CRACD: variants seen among roughly 807,000 people sequenced by gnomAD.
CRACD encodes the protein capping protein inhibiting regulator of actin dynamics, also known as capping protein-inhibiting regulator of actin dynamics.
CRACD carries 56 observed loss-of-function variants against 106.8 expected under a neutral mutation model. That is an observed-to-expected ratio of 0.52 (90% CI 0.42 to 0.66). The LOEUF is 0.66. Among genes scored for constraint, CRACD ranks in the 30% least tolerant of loss-of-function variants. The pLI is 0.00. For synonymous variants in CRACD, 754 were observed against 670.8 expected (o/e 1.12, Z -1.92); for missense variants, 1,730 against 1,623.2 (o/e 1.07, Z -1.13).
chr4:56,126,771 A>T (rs1215103684), intron 1 of CRACD, among the ~76,000 whole-genome samples: 4 of 152,202 alleles, frequency 2.6e-5, no homozygotes, highest in African/African-American at 9.6e-5. Flanking sequence ...TGAAATCAAA[A>T]TATTATGATC....
At chr4:56,310,803 T>G (rs1247340051) in intron 6 of CRACD, 69 bp downstream of exon 6, 4 of 903,228 alleles carry the variant, frequency 4.4e-6, no homozygotes, top group Non-Finnish European at 5.1e-6. Flanking sequence ...CCCCCCTTTT[T>G]TTTTTTTGCG....
chr4:56,202,665 A>T (rs1737940831), intron 2 of CRACD, among the ~76,000 whole-genome samples: 1 of 152,226 alleles, frequency 6.6e-6, no homozygotes, highest in African/African-American at 2.4e-5. Flanking sequence ...GTTTTAAAAA[A>T]TTCTAATTAG....
At chr4:56,129,013 C>T (rs1734743197) in intron 1 of CRACD, among the ~76,000 whole-genome samples, 1 of 151,060 alleles carries the variant, frequency 6.6e-6, no homozygotes, top group African/African-American at 2.4e-5. Flanking sequence ...ACTAATCGTA[C>T]TGTGAAAATG....
intron 3 of CRACD, among the ~76,000 whole-genome samples, chr4:56,275,763 C>A (rs1026476558): frequency 6.6e-6 from 1 of 152,164 alleles, no homozygotes; most frequent in Non-Finnish European, 1.5e-5. Flanking sequence ...CACAAAAGCA[C>A]AAAACTCAAA....
chr4:56,258,600 T>C (rs797007771), intron 2 of CRACD, among the ~76,000 whole-genome samples: 3 of 152,316 alleles, frequency 2.0e-5, no homozygotes, highest in African/African-American at 7.2e-5. Context: ...TGCACAATAA[T>C]GCAGGCACCA....
At chr4:56,157,695 T>G (rs747126730) in intron 1 of CRACD, among the ~76,000 whole-genome samples, 4 of 152,192 alleles carry the variant, frequency 2.6e-5, no homozygotes, top group Non-Finnish European at 5.9e-5. Context: ...GTTACTGCAT[T>G]TATTACAGAA....
chr4:56,241,951 T>G (rs1277697407), intron 2 of CRACD, among the ~76,000 whole-genome samples: 1 of 152,178 alleles, frequency 6.6e-6, no homozygotes, highest in Non-Finnish European at 1.5e-5. Flanking sequence ...TAAGTTTTGT[T>G]CCCTAAAAAT....
chr4:56,173,282 A>G (rs140862994), intron 1 of CRACD, among the ~76,000 whole-genome samples: 1,963 of 152,336 alleles, frequency 0.013, 19 homozygotes, highest in Middle Eastern at 0.024. Flanking sequence ...GCATTGCCTC[A>G]TTCTTGCTGA....
intron 1 of CRACD, among the ~76,000 whole-genome samples, chr4:56,067,082 C>G (rs1164664353): frequency 6.6e-6 from 1 of 151,892 alleles, no homozygotes; most frequent in Non-Finnish European, 1.5e-5. Flanking sequence ...TTGCCTAGGT[C>G]CCAAGATTAT....
chr4:56,148,055 G>T (rs1480974998), intron 1 of CRACD, among the ~76,000 whole-genome samples: 1 of 152,150 alleles, frequency 6.6e-6, no homozygotes, highest in Non-Finnish European at 1.5e-5. Flanking sequence ...CAAGAAGGTG[G>T]CTGTCTGCAA....
chr4:56,148,947 C>G (rs868386581), intron 1 of CRACD, among the ~76,000 whole-genome samples: 7 of 151,940 alleles, frequency 4.6e-5, no homozygotes, highest in African/African-American at 1.5e-4. Flanking sequence ...TCCCAAGTAG[C>G]TGGGATTACA....
At chr4:56,311,808 T>C (rs1745176204) in intron 6 of CRACD, among the ~76,000 whole-genome samples, 1 of 152,190 alleles carries the variant, frequency 6.6e-6, no homozygotes, top group Non-Finnish European at 1.5e-5. Flanking sequence ...GCTGCTGGCA[T>C]AGTGCCGCAC....
intron 2 of CRACD, among the ~76,000 whole-genome samples, chr4:56,238,246 CAT>C (rs1174992278): frequency 6.6e-6 from 1 of 152,232 alleles, no homozygotes; most frequent in Non-Finnish European, 1.5e-5. Flanking sequence ...CTTTCACTCA[CAT>C]GTGTGTTGCC....
chr4:56,313,490 C>T (rs1745292650), intron 7 of CRACD, 111 bp downstream of exon 7: 10 of 860,282 alleles, frequency 1.2e-5, no homozygotes, highest in Non-Finnish European at 1.8e-5. Flanking sequence ...GAGAGTCTCC[C>T]CATCGGGAAC....
rs965645545 is a variant in CRACD at position 56,323,436 on chromosome 4, G to A, written c.3247G>A (p.Glu1083Lys). Reference protein sequence around the residue: ...LDGSKLTEKVETAQPLWITLA... With the variant: ...LDGSKLTEKVKTAQPLWITLA... ...TGGCTCCAAACTTACAGAGAAAGTG[G>A]AAACTGCTCAGCCGCTGTGGATAAC... is the stretch of plus-strand genomic sequence containing the variant. Residue 1083 changes from glutamate (E) to lysine (K), a missense_variant, in exon 9 of 11, where the codon GAA (glutamate) becomes AAA (lysine). This residue lies in a region of CRACD where 1,620 missense variants were observed against 1,481.6 expected (regional missense o/e 1.09). Transcript: ENST00000682029. The A allele has an allele frequency of 6.2e-7, 1 of 1,611,420 alleles. No individual in the cohort carries two copies. The highest frequency in any genetic ancestry group is 1.3e-5 in the African/African-American group (1 of 74,658).
At chr4:56,150,298 A>ATAGG (rs1348769444) in intron 1 of CRACD, among the ~76,000 whole-genome samples, 1 of 152,236 alleles carries the variant, frequency 6.6e-6, no homozygotes, top group Non-Finnish European at 1.5e-5. Flanking sequence ...AGAAGTTTAA[A>ATAGG]TAGGATAAAA....
chr4:56,118,434 A>G (rs1488504413), intron 1 of CRACD, among the ~76,000 whole-genome samples: 1 of 152,260 alleles, frequency 6.6e-6, no homozygotes, highest in Admixed American at 6.5e-5. Context: ...ACAGACTGAC[A>G]TACTGCGAAC....
chr4:56,227,093 G>A (rs1739341429), intron 2 of CRACD, among the ~76,000 whole-genome samples: 1 of 152,022 alleles, frequency 6.6e-6, no homozygotes, highest in African/African-American at 2.4e-5. Flanking sequence ...CTCAACCTTG[G>A]ATGTTCCTTT....
chr4:56,110,599 C>G (rs985491565), intron 1 of CRACD, among the ~76,000 whole-genome samples: 1 of 152,082 alleles, frequency 6.6e-6, no homozygotes, highest in East Asian at 1.9e-4. Context: ...TAACTCAGTA[C>G]AAGATTTTTT....
Sources: allele counts gnomAD v4.1 joint callset (sites outside exome capture counted in the v4.1 genomes callset), GRCh38; gene constraint gnomAD v4.1.1; regional missense constraint gnomAD v4.1.1; transcripts MANE v1.5; gene names NCBI Gene and HGNC (gene_info 2026-07-23, HGNC 2026-07-21).